MTUS2: variants seen among roughly 807,000 people sequenced by gnomAD.
MTUS2 encodes microtubule-associated tumor suppressor candidate 2.
A neutral mutation model predicts 114.1 loss-of-function variants in MTUS2; 40 were observed. The observed-to-expected ratio is 0.35, with a 90% CI of 0.27 to 0.46. MTUS2 has a LOEUF of 0.46. Among genes scored for constraint, MTUS2 ranks in the 20% least tolerant of loss-of-function variants. The pLI is 1.00. For synonymous variants in MTUS2, 688 were observed against 672.0 expected (o/e 1.02, Z -0.37); for missense variants, 1,679 against 1,705.4 (o/e 0.98, Z 0.27).
intron 2 of MTUS2, among the ~76,000 whole-genome samples, chr13:28,885,211 T>C (rs1228138725): frequency 6.6e-6 from 1 of 152,180 alleles, no homozygotes; most frequent in East Asian, 1.9e-4. Flanking sequence ...CATCATCTGG[T>C]AAACATTAGT....
chr13:29,317,851 G>T (rs1247598234), intron 6 of MTUS2, among the ~76,000 whole-genome samples: 1 of 152,084 alleles, frequency 6.6e-6, no homozygotes, highest in African/African-American at 2.4e-5. Context: ...ACCTTGAACT[G>T]TTCCCATTCA....
At chr13:29,091,736 G>A (rs370131762) in intron 4 of MTUS2, among the ~76,000 whole-genome samples, 54 of 152,300 alleles carry the variant, frequency 3.5e-4, no homozygotes, top group African/African-American at 1.3e-3. Context: ...GCTTAAGAAA[G>A]CCCTACCCCA....
chr13:29,173,044 A>G (rs532648430), intron 5 of MTUS2, among the ~76,000 whole-genome samples: 5 of 152,172 alleles, frequency 3.3e-5, no homozygotes, highest in Admixed American at 2.6e-4. Context: ...TATAGGCACC[A>G]AATTCTGATA....
chr13:29,108,514 C>T (rs1266255440), intron 5 of MTUS2, among the ~76,000 whole-genome samples: 1 of 152,190 alleles, frequency 6.6e-6, no homozygotes, highest in Non-Finnish European at 1.5e-5. Context: ...AGATTATCTG[C>T]TTACCCTTTC....
intron 2 of MTUS2, among the ~76,000 whole-genome samples, chr13:28,899,746 C>T (rs149814819): frequency 0.011 from 1,637 of 152,178 alleles, 18 homozygotes; most frequent in Non-Finnish European, 0.015. Flanking sequence ...TCCATTTTCT[C>T]TCTGTCACTT....
intron 5 of MTUS2, among the ~76,000 whole-genome samples, chr13:29,130,020 T>A (rs1891690373): frequency 6.6e-6 from 1 of 152,158 alleles, no homozygotes; most frequent in Admixed American, 6.6e-5. Context: ...CTTTGTGTTT[T>A]CAGAGTGCTT....
At chr13:28,832,338 T>C (rs974776346) in intron 1 of MTUS2, among the ~76,000 whole-genome samples, 14 of 152,162 alleles carry the variant, frequency 9.2e-5, no homozygotes, top group Non-Finnish European at 2.1e-4. Flanking sequence ...CACAATGGAA[T>C]GATATTAGAA....
intron 5 of MTUS2, among the ~76,000 whole-genome samples, chr13:29,121,636 A>G (rs1337672091): frequency 1.3e-5 from 2 of 150,314 alleles, no homozygotes; most frequent in African/African-American, 4.9e-5. Flanking sequence ...TCTGCTAGTC[A>G]CTCACACTTT....
chr13:29,149,747 C>T (rs1293718533), intron 5 of MTUS2, among the ~76,000 whole-genome samples: 4 of 152,146 alleles, frequency 2.6e-5, no homozygotes, highest in Admixed American at 2.6e-4. Context: ...GCTAGTTCTT[C>T]CAGCACCATT....
chr13:29,391,849 C>A (rs1873504690), intron 8 of MTUS2, among the ~76,000 whole-genome samples: 2 of 151,968 alleles, frequency 1.3e-5, no homozygotes, highest in African/African-American at 4.8e-5. Flanking sequence ...AGAACTTTGT[C>A]ACCTTTGGCC....
intron 2 of MTUS2, among the ~76,000 whole-genome samples, chr13:28,976,203 CAAAAAAAAAAAA>C (rs71090215): frequency 1.1e-5 from 1 of 90,160 alleles, no homozygotes; most frequent in Non-Finnish European, 2.2e-5. Context: ...GACCTTGTCT[CAAAAAAAAAAAA>C]AAAAAAAAAG....
chr13:29,221,380 G>A (rs943499943), intron 5 of MTUS2, among the ~76,000 whole-genome samples: 1 of 152,196 alleles, frequency 6.6e-6, no homozygotes, highest in East Asian at 1.9e-4. Context: ...TCCATTTTTG[G>A]TGATAGTTGT....
intron 9 of MTUS2, among the ~76,000 whole-genome samples, chr13:29,452,602 G>A (rs201131078): frequency 0.056 from 6,943 of 124,196 alleles, 204 homozygotes; most frequent in South Asian, 0.08. Flanking sequence ...GTGTGTGTGT[G>A]TGTGTATATA....
At chr13:29,194,803 T>G (rs997755620) in intron 5 of MTUS2, among the ~76,000 whole-genome samples, 16 of 152,108 alleles carry the variant, frequency 1.1e-4, no homozygotes, top group Non-Finnish European at 2.1e-4. Context: ...CATGCATGTT[T>G]ATTGCAGCAC....
intron 8 of MTUS2, among the ~76,000 whole-genome samples, chr13:29,404,851 A>C (rs1242342034): frequency 6.6e-6 from 1 of 152,230 alleles, no homozygotes; most frequent in Non-Finnish European, 1.5e-5. Context: ...AGCTAACTTA[A>C]TAAGCTAAGC....
At chr13:29,268,467 T>G (rs1897751169) in intron 5 of MTUS2, among the ~76,000 whole-genome samples, 1 of 152,096 alleles carries the variant, frequency 6.6e-6, no homozygotes, top group African/African-American at 2.4e-5. Flanking sequence ...CTCCAAGTCC[T>G]CCTCATCACC....
In MTUS2 at chr13:29,230,253, A is replaced by G. The variant is rs1896273880; in HGVS notation, c.2645-51451A>G. Among the ~76,000 whole-genome samples, 3 of 152,248 alleles carry G rather than the reference A, an allele frequency of 2.0e-5. No individual in the cohort carries two copies. In the South Asian group the frequency reaches 6.2e-4, roughly 31 times the overall value. Reference sequence around the variant, plus strand: ...AGAGCAAGACTCCGTCTCAAAAAATAAAAATACAAAAATAAAATAAAAAAT... The same window carrying G: ...AGAGCAAGACTCCGTCTCAAAAAATGAAAATACAAAAATAAAATAAAAAAT... On this transcript the variant is annotated intron_variant, in intron 5 of 15. Transcript: ENST00000612955.
chr13:28,918,541 A>C (rs1042123843), intron 2 of MTUS2, among the ~76,000 whole-genome samples: 12 of 149,094 alleles, frequency 8.0e-5, no homozygotes, highest in African/African-American at 3.0e-4. Context: ...ATTTATTTTC[A>C]CTCTGTGTGC....
At chr13:29,061,182 A>G (rs1391202818) in intron 4 of MTUS2, among the ~76,000 whole-genome samples, 2 of 152,160 alleles carry the variant, frequency 1.3e-5, no homozygotes, top group African/African-American at 4.8e-5. Flanking sequence ...ATTTCCTTGA[A>G]GATTATTGAA....
Sources: gnomAD v4.1 joint callset for allele counts (sites outside exome capture counted in the v4.1 genomes callset) on GRCh38, gnomAD v4.1.1 for gene constraint, MANE v1.5 for transcripts, NCBI Gene and HGNC (gene_info 2026-07-23, HGNC 2026-07-21) for gene names.